POTEC: variants seen among roughly 807,000 people sequenced by gnomAD.
POTEC encodes ANKRD26-like family B member 2.
Under a neutral mutation model 62.0 loss-of-function variants are expected in POTEC, and 35 were observed. The observed-to-expected ratio is 0.56, with a 90% confidence interval of 0.43 to 0.75. The LOEUF (loss-of-function observed/expected upper bound fraction) is 0.75. Ranked by LOEUF, POTEC falls within the 30% of genes least tolerant of loss-of-function variation. POTEC has a pLI of 0.00. For missense variants in POTEC, 472 were observed against 655.9 expected, an observed-to-expected ratio of 0.72 and a Z score of 3.06; for synonymous variants, 156 against 221.5, an observed-to-expected ratio of 0.70 and a Z score of 2.62.
intron 9 of POTEC, among the ~76,000 whole-genome samples, chr18:14,514,666 A>G (rs1020194495): frequency 2.0e-5 from 3 of 147,876 alleles, no homozygotes; most frequent in Admixed American, 1.3e-4. Flanking sequence ...TTTTACTTTT[A>G]TTTCATGCAT....
intron 7 of POTEC, 128 bp downstream of exon 7, chr18:14,524,785 T>A (rs1910394111): frequency 2.2e-6 from 2 of 912,124 alleles, no homozygotes; most frequent in South Asian, 2.9e-5. Flanking sequence ...TATTAAAAAA[T>A]TCTTAAAAAA....
chr18:14,533,774 G>A, intron 4 of POTEC, among the ~76,000 whole-genome samples: 1 of 152,018 alleles, frequency 6.6e-6, no homozygotes, highest in Non-Finnish European at 1.5e-5. Flanking sequence ...ACAACATATT[G>A]GGTGGTAAAT....
intron 3 of POTEC, among the ~76,000 whole-genome samples, chr18:14,537,215 A>AAC (rs1465469690): frequency 6.0e-5 from 7 of 116,622 alleles, no homozygotes; most frequent in African/African-American, 2.2e-4. Flanking sequence ...ACACACAAAA[A>AAC]AAAAAAAAAA....
At position 14,539,585 on chromosome 18, in the gene POTEC, A is replaced by ATGTCCCT. The variant is rs558900191; in HGVS notation, c.522-1343_522-1337dup. Among the ~76,000 whole-genome samples the ATGTCCCT allele has an allele frequency of 3.9e-3, 590 of 150,432 alleles. 4 individuals carry two copies. Among genetic ancestry groups the ATGTCCCT allele is most frequent in the African/African-American group, 0.014 (560 of 40,726 alleles). On this transcript the variant is annotated intron_variant, in intron 1 of 10. Transcript: ENST00000358970. The stretch of plus-strand genomic sequence containing the variant: ...AGGATAATGGCCTTCAACACCATCC[A>ATGTCCCT]TGTCCCTGCAAAGGACAGGCTCTTG...
At chr18:14,519,226 G>A (rs1462905696) in intron 9 of POTEC, among the ~76,000 whole-genome samples, 1 of 152,176 alleles carries the variant, frequency 6.6e-6, no homozygotes, top group Non-Finnish European at 1.5e-5. Context: ...CTTAACCAAA[G>A]TAGGAAAGAC....
At chr18:14,532,527 T>C (rs1428770567) in intron 5 of POTEC, among the ~76,000 whole-genome samples, 1 of 152,116 alleles carries the variant, frequency 6.6e-6, no homozygotes, top group Non-Finnish European at 1.5e-5. Flanking sequence ...CAGAACCAGT[T>C]TGAGTGGCAA....
At chr18:14,537,190 CACACACACACACACACACACAA>C (rs1905749237) in intron 3 of POTEC, among the ~76,000 whole-genome samples, 1 of 78,330 alleles carries the variant, frequency 1.3e-5, no homozygotes, top group Non-Finnish European at 2.2e-5. Flanking sequence ...CACACACACA[CACACACACACACACACACACAA>C]AAAAAAAAAA....
At chr18:14,527,455 C>T (rs1330415327) in intron 6 of POTEC, among the ~76,000 whole-genome samples, 2 of 152,076 alleles carry the variant, frequency 1.3e-5, no homozygotes, top group Non-Finnish European at 2.9e-5. Flanking sequence ...CCTTAATATG[C>T]TCCTTGCTCT....
chr18:14,525,840 G>A (rs1567912423), intron 6 of POTEC, among the ~76,000 whole-genome samples: 8 of 152,188 alleles, frequency 5.3e-5, no homozygotes, highest in African/African-American at 1.7e-4. Flanking sequence ...AGTGTACAAT[G>A]TCTTCTTAAC....
At chr18:14,519,891 C>A (rs74682106) in intron 9 of POTEC, among the ~76,000 whole-genome samples, 2 of 151,882 alleles carry the variant, frequency 1.3e-5, no homozygotes, top group Non-Finnish European at 2.9e-5. Context: ...CAAGTGAAGA[C>A]GCCGTTAGGG....
At position 14,509,123 on chromosome 18, in the gene POTEC, A is replaced by C. The variant is rs1227881076; in HGVS notation, c.*2775T>G. On this transcript the variant is annotated 3_prime_UTR_variant, in exon 11 of 11. Transcript: ENST00000358970. ...TGCACTGAGGGGACCAAAGTGCAGC[A>C]GCTGTGGCAGAATGCTAGCAGATGC... 1.3e-5 allele frequency: 2 copies of C among 152,270 alleles called. No homozygotes were observed. Among genetic ancestry groups the C allele is most frequent in the Non-Finnish European group, 2.9e-5 (2 of 68,084 alleles). The allele number at this position is 152,270 out of a possible 1,614,324, so 9.4% of individuals were successfully genotyped here.
intron 4 of POTEC, among the ~76,000 whole-genome samples, chr18:14,533,406 C>T (rs1415234677): frequency 2.6e-5 from 4 of 152,032 alleles, no homozygotes; most frequent in African/African-American, 4.8e-5. Context: ...AAAAGGAAAC[C>T]TCTTATCTCA....
chr18:14,523,855 A>G (rs1301334369), intron 7 of POTEC, among the ~76,000 whole-genome samples: 2 of 152,108 alleles, frequency 1.3e-5, no homozygotes, highest in East Asian at 3.9e-4. Flanking sequence ...TAAATCTACC[A>G]AAAATGAATT....
intron 6 of POTEC, among the ~76,000 whole-genome samples, chr18:14,526,831 C>T (rs1245572670): frequency 1.3e-5 from 2 of 152,090 alleles, no homozygotes; most frequent in South Asian, 2.1e-4. Flanking sequence ...CTGGTCCTAT[C>T]TGTATTTAGA....
Position 14,542,722 on chromosome 18 carries a change from T to C in POTEC, c.425A>G (p.Lys142Arg), listed in dbSNP as rs758316155. ...RYHVRREDLD[K>R]LHRAAWWGKV... is the part of the protein sequence containing the mutation. The stretch of plus-strand genomic sequence containing the variant: ...ACCCCACCAGGCAGCTCTGTGGAGC[T>C]TGTCCAGATCTTCTCGACGGACGTG... Residue 142 changes from lysine to arginine, a missense_variant, in exon 1 of 11, where the codon AAG becomes AGG. Around this residue, in one of 5 missense-constraint regions of POTEC, gnomAD observed 257 missense variants for 250.7 expected, o/e 1.03. Transcript: ENST00000358970. The C allele has an allele frequency of 5.0e-6, 8 of 1,613,126 alleles. No individual in the cohort carries two copies. The highest frequency in any genetic ancestry group is 6.8e-6 in the Non-Finnish European group (8 of 1,179,886).
At chr18:14,519,805 G>GA (rs1427758726) in intron 9 of POTEC, among the ~76,000 whole-genome samples, 1 of 151,964 alleles carries the variant, frequency 6.6e-6, no homozygotes, top group Non-Finnish European at 1.5e-5. Flanking sequence ...AGATGAGGAG[G>GA]AGCAAGCAAA....
chr18:14,520,790 A>T (rs982990396), intron 9 of POTEC, among the ~76,000 whole-genome samples: 3 of 152,056 alleles, frequency 2.0e-5, no homozygotes, highest in African/African-American at 7.2e-5. Flanking sequence ...CTTGGAACAC[A>T]GCCATGCTTA....
In POTEC at chr18:14,522,405, T is replaced by C; in HGVS notation, c.1258A>G (p.Lys420Glu). ...CCCACAGGATTACTTCCATGCTTCT[T>C]TATTTCTTCTTCAACCTTGAGTGGA... ...DCDREVEEEIKKHGSNPVGLP... is the reference protein window; with the variant it reads ...DCDREVEEEIEKHGSNPVGLP... Residue 420 changes from lysine (K) to glutamate (E), a missense_variant, in exon 9 of 11, where the codon AAG becomes GAG. By Grantham distance (56) the Lys-to-Glu change is moderately conservative (BLOSUM62 1). Transcript: ENST00000358970. 1 of 1,529,560 alleles carries C rather than the reference T, an allele frequency of 6.5e-7. No individual in the cohort carries two copies. The highest frequency in any genetic ancestry group is 2.3e-5 in the East Asian group (1 of 43,848). 94.7% of individuals were successfully genotyped at this position (1,529,560 alleles called of 1,614,324 possible).
chr18:14,507,465 T>C lies in POTEC; in HGVS notation c.*4433A>G, dbSNP rs1909875232. On this transcript the variant is annotated 3_prime_UTR_variant, in exon 11 of 11. Coordinates refer to ENST00000358970, the MANE Select transcript of POTEC (RefSeq NM_001137671.2). Reference sequence around the variant, plus strand: ...TCCATTCCTTTATTTTGAGCCTATGTATGGCACTGCATGTGAGATGGGTTT... The same window carrying C: ...TCCATTCCTTTATTTTGAGCCTATGCATGGCACTGCATGTGAGATGGGTTT... 6.6e-6 allele frequency: 1 copy of C among 152,004 alleles called. No homozygotes were observed. Among genetic ancestry groups the C allele is most frequent in the Non-Finnish European group, 1.5e-5 (1 of 67,996 alleles). The allele number at this position is 152,004 out of a possible 1,614,324, so 9.4% of individuals were successfully genotyped here.
Sources: gnomAD v4.1 joint callset for allele counts (sites outside exome capture counted in the v4.1 genomes callset) on GRCh38, gnomAD v4.1.1 for gene constraint, gnomAD v4.1.1 regional missense constraint, MANE v1.5 for transcripts, NCBI Gene and HGNC (gene_info 2026-07-23, HGNC 2026-07-21) for gene names.